Variants in CADM2 observed in about 807,000 individuals in gnomAD.
CADM2 encodes immunoglobulin superfamily member 4D.
Under a neutral mutation model 49.8 loss-of-function variants are expected in CADM2, and 12 were observed. The ratio of observed to expected loss-of-function variants is 0.24; its 90% CI spans 0.15 to 0.39. The LOEUF is 0.39. CADM2 is among the 10% of genes least tolerant of loss of function. CADM2 has a pLI of 1.00. For missense variants in CADM2, 378 were observed against 492.3 expected (o/e 0.77, Z 2.20); for synonymous variants, 214 against 175.4 (o/e 1.22, Z -1.74).
At chr3:85,284,295 C>T in intron 1 of CADM2, among the ~76,000 whole-genome samples, 1 of 152,078 alleles carries the variant, frequency 6.6e-6, no homozygotes, top group South Asian at 2.1e-4. Context: ...TTCTTCAATA[C>T]TTACTAAACA....
At chr3:85,236,894 C>A (rs964530956) in intron 1 of CADM2, among the ~76,000 whole-genome samples, 1 of 152,062 alleles carries the variant, frequency 6.6e-6, no homozygotes, top group Non-Finnish European at 1.5e-5. Context: ...AGGTGAACTT[C>A]TGCTATGACT....
chr3:85,777,840 G>C (rs1336210306), intron 2 of CADM2, among the ~76,000 whole-genome samples: 1 of 152,160 alleles, frequency 6.6e-6, no homozygotes, highest in East Asian at 1.9e-4. Flanking sequence ...AAGCCGGTCT[G>C]TACCATCAGA....
intron 8 of CADM2, among the ~76,000 whole-genome samples, chr3:86,025,458 T>G (rs1460375256): frequency 3.3e-5 from 5 of 152,186 alleles, no homozygotes; most frequent in Non-Finnish European, 7.4e-5. Flanking sequence ...ATTCCAAGCT[T>G]GTAGTCACAT....
At chr3:86,005,251 G>T (rs564147883) in intron 8 of CADM2, among the ~76,000 whole-genome samples, 1 of 152,184 alleles carries the variant, frequency 6.6e-6, no homozygotes, top group South Asian at 2.1e-4. Context: ...TATTTATTTT[G>T]TTTTTTAAAT....
chr3:85,408,802 AG>A (rs1235345418), intron 1 of CADM2, among the ~76,000 whole-genome samples: 1 of 152,206 alleles, frequency 6.6e-6, no homozygotes, highest in Non-Finnish European at 1.5e-5. Flanking sequence ...ATTTTCACTT[AG>A]ATGCCACCAT....
intron 1 of CADM2, among the ~76,000 whole-genome samples, chr3:85,672,864 T>C (rs2107637855): frequency 6.6e-6 from 1 of 152,318 alleles, no homozygotes; most frequent in African/African-American, 2.4e-5. Flanking sequence ...ACCATCTAAA[T>C]TGAATCTGAT....
chr3:86,054,954 G>T (rs1428632557), intron 8 of CADM2, among the ~76,000 whole-genome samples: 2 of 152,112 alleles, frequency 1.3e-5, no homozygotes, highest in Non-Finnish European at 2.9e-5. Flanking sequence ...GAACAGTGAT[G>T]TGTGAAGAGT....
intron 1 of CADM2, among the ~76,000 whole-genome samples, chr3:85,129,963 C>A (rs2039170021): frequency 1.3e-5 from 2 of 152,180 alleles, no homozygotes; most frequent in Non-Finnish European, 2.9e-5. Flanking sequence ...AATGCCCTCA[C>A]TGTGTGATAA....
intron 1 of CADM2, among the ~76,000 whole-genome samples, chr3:85,419,458 GA>G (rs11350830): frequency 0.81 from 116,359 of 144,132 alleles, 47,389 homozygotes; most frequent in East Asian, 0.94. Context: ...ACTCCGTCTC[GA>G]AAAAAAAAAA....
chr3:85,398,000 T>C (rs989802816), intron 1 of CADM2, among the ~76,000 whole-genome samples: 1 of 152,090 alleles, frequency 6.6e-6, no homozygotes, highest in Admixed American at 6.6e-5. Flanking sequence ...GAAGCCTTTT[T>C]CTTTTTCTTT....
intron 1 of CADM2, among the ~76,000 whole-genome samples, chr3:85,536,863 A>AAT (rs1406942517): frequency 1.3e-5 from 2 of 151,998 alleles, no homozygotes; most frequent in Non-Finnish European, 2.9e-5. Context: ...GTGGTTTTGT[A>AAT]ATATAACATT....
intron 1 of CADM2, among the ~76,000 whole-genome samples, chr3:84,980,147 G>C (rs759851875): frequency 6.6e-6 from 1 of 152,116 alleles, no homozygotes; most frequent in South Asian, 2.1e-4. Context: ...GTTTATAGGC[G>C]TTCTAGAAGG....
chr3:85,455,090 G>A (rs971034386), intron 1 of CADM2, among the ~76,000 whole-genome samples: 2 of 152,062 alleles, frequency 1.3e-5, no homozygotes, highest in African/African-American at 2.4e-5. Flanking sequence ...TGATAATATC[G>A]TAAATTAGTT....
chr3:85,097,822 T>C (rs992906235), intron 1 of CADM2, among the ~76,000 whole-genome samples: 1 of 152,338 alleles, frequency 6.6e-6, no homozygotes, highest in African/African-American at 2.4e-5. Context: ...CTTTCATTCA[T>C]GTTGACTTTT....
intron 1 of CADM2, among the ~76,000 whole-genome samples, chr3:85,668,727 C>T (rs558851652): frequency 6.6e-6 from 1 of 152,078 alleles, no homozygotes; most frequent in Admixed American, 6.6e-5. Flanking sequence ...GTCCATTAAA[C>T]CTCTTTCTTT....
chr3:85,436,741 G>A (rs1028791366), intron 1 of CADM2, among the ~76,000 whole-genome samples: 13 of 152,138 alleles, frequency 8.5e-5, no homozygotes, highest in Non-Finnish European at 1.8e-4. Flanking sequence ...AGCAGAAAGT[G>A]CTAAGATTTC....
intron 1 of CADM2, among the ~76,000 whole-genome samples, chr3:85,488,449 C>A (rs560241139): frequency 3.1e-4 from 47 of 152,132 alleles, no homozygotes; most frequent in African/African-American, 1.1e-3. Flanking sequence ...TAGTAGTCAG[C>A]CTCTGGATTT....
intron 1 of CADM2, among the ~76,000 whole-genome samples, chr3:85,619,668 G>T (rs189699829): frequency 6.6e-6 from 1 of 152,228 alleles, no homozygotes; most frequent in African/African-American, 2.4e-5. Flanking sequence ...GATATTCTGA[G>T]AATCACTATC....
At chr3:85,033,924 T>G (rs1024562749) in intron 1 of CADM2, among the ~76,000 whole-genome samples, 1 of 152,222 alleles carries the variant, frequency 6.6e-6, no homozygotes, top group African/African-American at 2.4e-5. Context: ...ATGTCCATTA[T>G]TAATATGCTA....
Sources: allele counts gnomAD v4.1 joint callset (sites outside exome capture counted in the v4.1 genomes callset), GRCh38; gene constraint gnomAD v4.1.1; transcripts MANE v1.5; gene names NCBI Gene and HGNC (gene_info 2026-07-23, HGNC 2026-07-21).